The following SLC8A2 variants were observed in gnomAD, a reference collection of about 807,000 sequenced individuals.
SLC8A2 encodes the protein sodium/calcium exchanger 2.
A neutral mutation model predicts 70.2 loss-of-function variants in SLC8A2; 14 were observed. The observed-to-expected ratio is 0.20, with a 90% CI of 0.13 to 0.31. SLC8A2 has a LOEUF of 0.31. Among genes scored for constraint, SLC8A2 ranks in the 10% least tolerant of loss-of-function variants. The probability of loss-of-function intolerance (pLI) is 1.00; values close to 1 mark genes in which losing one functional copy is unlikely to be tolerated. For synonymous variants in SLC8A2, 575 were observed against 594.3 expected, an observed-to-expected ratio of 0.97 and a Z score of 0.47; for missense variants, 779 against 1,320.1, an observed-to-expected ratio of 0.59 and a Z score of 6.35.
chr19:47,447,820 G>T lies in SLC8A2; in HGVS notation c.1752C>A (p.Asp584Glu). The change falls in exon 4 of 10, where the codon GAC becomes GAA. Residue 584 changes from aspartate (D) to glutamate (E), a missense_variant. By Grantham distance (45) the Asp-to-Glu change is conservative. Around this residue, in one of 6 missense-constraint regions of SLC8A2, gnomAD observed 247 missense variants for 362.8 expected, o/e 0.68. Transcript: ENST00000236877. The surrounding 1 kb of genome is among the most constrained non-coding windows in gnomAD (Gnocchi z 5.1). ...TCGGGCGTGCTCACATGGTCTCGTC[G>T]TCGCCAAACTCCAGCTCTCCGCACG... ...EDACGELEFG[D>E]DETMKTLQVK... 1 of 1,590,076 alleles carries T rather than the reference G, an allele frequency of 6.3e-7. No individual in the cohort carries two copies. Among genetic ancestry groups the T allele is most frequent in the Non-Finnish European group, 8.5e-7 (1 of 1,175,500 alleles).
At chr19:47,456,891 C>T (rs1353782368) in intron 3 of SLC8A2, 39 bp downstream of exon 3, 5 of 1,533,656 alleles carry the variant, frequency 3.3e-6, no homozygotes, top group South Asian at 2.5e-5. Context: ...CCACGGCCTG[C>T]GCCAGCCCCC....
intron 4 of SLC8A2, among the ~76,000 whole-genome samples, chr19:47,443,120 C>T (rs145226230): frequency 1.0e-3 from 158 of 152,324 alleles, no homozygotes; most frequent in Middle Eastern, 3.4e-3. Flanking sequence ...TTATCTCCAA[C>T]ACCCAGAACA....
At chr19:47,446,292 T>C in intron 4 of SLC8A2, among the ~76,000 whole-genome samples, 1 of 27,844 alleles carries the variant, frequency 3.6e-5, no homozygotes, top group South Asian at 1.1e-3. Context: ...GGCAGGGGGG[T>C]GGGGGAATGT....
chr19:47,470,971 G>A (rs994005937), intron 1 of SLC8A2, among the ~76,000 whole-genome samples: 1 of 151,952 alleles, frequency 6.6e-6, no homozygotes, highest in Non-Finnish European at 1.5e-5. Flanking sequence ...GGGTGGGGGG[G>A]TCTAATTCCT....
At position 47,432,666 on chromosome 19, in the gene SLC8A2, T is replaced by G. The variant is rs1599843472; in HGVS notation, c.2111-221A>C. 2.1e-5 allele frequency: 10 copies of G among 478,898 alleles called. No homozygotes were observed. The East Asian group carries it at 3.3e-4, about 16-fold the overall frequency. 29.7% of individuals were successfully genotyped at this position (478,898 alleles called of 1,614,324 possible). A position where few individuals can be genotyped will look rare whatever the true frequency, so the allele number is the denominator to read the frequency against. On this transcript the variant is annotated intron_variant, in intron 8 of 9. Coordinates refer to ENST00000236877, the MANE Select transcript of SLC8A2 (RefSeq NM_015063.3). This position sits in a 1 kb window ranked among gnomAD's most constrained non-coding sequence, Gnocchi z 6.2. ...TTGGGCCCAGGTGAAAAATATTTAC[T>G]TTCCCAGAATCCTTTGGATCTAAAT...
At chr19:47,439,023 A>G (rs1237702141) in intron 6 of SLC8A2, among the ~76,000 whole-genome samples, 2 of 152,162 alleles carry the variant, frequency 1.3e-5, no homozygotes, top group Non-Finnish European at 2.9e-5. Context: ...GGCCTGAGTT[A>G]TGGACACTAG....
rs751078808 is a variant in SLC8A2 at position 47,456,936 on chromosome 19, T to G, written c.1334A>C (p.Glu445Ala). The stretch of plus-strand genomic sequence containing the variant: ...CCCACCCCGGGGGACCCACCTGTAC[T>G]CGTAGTCGGAGCCCGCCTTGGCAGA... ...DGSAKAGSDY[E>A]YSEGTLVFKP... is the part of the protein sequence containing the mutation. Residue 445 changes from glutamate to alanine, a missense_variant, in exon 3 of 10, where the codon GAG becomes GCG. Physicochemically the swap from Glu to Ala is moderately radical, Grantham distance 107. Around this residue, in one of 6 missense-constraint regions of SLC8A2, gnomAD observed 18 missense variants for 61.3 expected, o/e 0.29. Coordinates refer to ENST00000236877, the MANE Select transcript of SLC8A2 (RefSeq NM_015063.3). The G allele has an allele frequency of 1.9e-6, 3 of 1,604,918 alleles. No individual in the cohort carries two copies. The Admixed American group carries it at 5.1e-5, about 27-fold the overall frequency.
At chr19:47,438,977 C>T (rs1967065322) in intron 6 of SLC8A2, among the ~76,000 whole-genome samples, 1 of 152,182 alleles carries the variant, frequency 6.6e-6, no homozygotes, top group South Asian at 2.1e-4. Flanking sequence ...AGCTGAACTA[C>T]ATTTCCCAGC....
At chr19:47,450,764 C>G (rs1317202918) in intron 3 of SLC8A2, among the ~76,000 whole-genome samples, 1 of 152,022 alleles carries the variant, frequency 6.6e-6, no homozygotes, top group Admixed American at 6.6e-5. Context: ...CTTGGGCGGT[C>G]AGGATTCTGC....
rs1211058685 is a variant in SLC8A2 at position 47,430,131 on chromosome 19, G to A, written c.2724C>T (p.Leu908=). The change falls in exon 10 of 10, where the codon CTC becomes CTT. Residue 908 remains leucine, a synonymous_variant. Coordinates refer to ENST00000236877, the MANE Select transcript of SLC8A2 (RefSeq NM_015063.3). This position sits in a 1 kb window ranked among gnomAD's most constrained non-coding sequence, Gnocchi z 5.9. The stretch of plus-strand genomic sequence containing the variant: ...GGCAGTACGCCTCCAGGCTGGCGAA[G>A]AGGATGTACAGGAGCCAGAGGCCCA... The part of the protein sequence containing the change: ...LFLGLWLLYI[L]FASLEAYCHI... 1 of 1,593,182 alleles carries A rather than the reference G, an allele frequency of 6.3e-7. No individual in the cohort carries two copies. The highest frequency in any genetic ancestry group is 8.5e-7 in the Non-Finnish European group (1 of 1,169,824).
At position 47,439,617 on chromosome 19, in the gene SLC8A2, T is replaced by TCTTCCTTCCTTC. The variant is rs149487413; in HGVS notation, c.1885+1540_1885+1551dup. Among the ~76,000 whole-genome samples the TCTTCCTTCCTTC allele has an allele frequency of 8.4e-4, 122 of 145,924 alleles. 1 individual carries two copies. Among genetic ancestry groups the TCTTCCTTCCTTC allele is most frequent in the African/African-American group, 3.0e-3 (114 of 38,100 alleles). ...CTCTCTTCTCCCTCCTTCCTTCCTTTCTTCCTTCCTTCCTTCCTTCCTTCC... is the reference window on the plus strand; with the variant it reads ...CTCTCTTCTCCCTCCTTCCTTCCTTTCTTCCTTCCTTCCTTCCTTCCTTCCTTCCTTCCTTCC... On this transcript the variant is annotated intron_variant, in intron 6 of 9. Coordinates refer to ENST00000236877, the MANE Select transcript of SLC8A2 (RefSeq NM_015063.3).
chr19:47,441,467 A>G, intron 4 of SLC8A2, 27 bp from the exon 5 acceptor site: 3 of 1,429,142 alleles, frequency 2.1e-6, no homozygotes, highest in Non-Finnish European at 2.0e-6. Context: ...GGGGAGGCAG[A>G]ACACTCAGTG....
intron 3 of SLC8A2, among the ~76,000 whole-genome samples, chr19:47,451,393 C>T (rs914793160): frequency 2.6e-5 from 4 of 152,146 alleles, no homozygotes; most frequent in African/African-American, 4.8e-5. Flanking sequence ...ACTGCAGCCT[C>T]GACTTCCTGG....
In SLC8A2 at chr19:47,465,217, CAATGTCAGA is replaced by C. The variant is rs1967442869; in HGVS notation, c.675+503_675+511del. Among the ~76,000 whole-genome samples, 1 of 152,138 alleles carries C rather than the reference CAATGTCAGA, an allele frequency of 6.6e-6. No homozygotes were observed. The highest frequency in any genetic ancestry group is 2.4e-5 in the African/African-American group (1 of 41,422). ...GCACTAAGTTACTCAAGCCAATTAG[CAATGTCAGA>C]AAACACTAGGCTGGATTATATGCAA... On this transcript the variant is annotated intron_variant, in intron 2 of 9. Transcript: ENST00000236877. This position sits in a 1 kb window ranked among gnomAD's most constrained non-coding sequence, Gnocchi z 5.5.
Position 47,468,089 on chromosome 19 carries a change from C to G in SLC8A2, c.-16-1670G>C, listed in dbSNP as rs1031582625. Among the ~76,000 whole-genome samples the G allele has an allele frequency of 2.6e-5, 4 of 151,840 alleles. No homozygotes were observed. The highest frequency in any genetic ancestry group is 7.3e-5 in the African/African-American group (3 of 41,328). On this transcript the variant is annotated intron_variant, in intron 1 of 9. Coordinates refer to ENST00000236877, the MANE Select transcript of SLC8A2 (RefSeq NM_015063.3). The surrounding 1 kb of genome is among the most constrained non-coding windows in gnomAD (Gnocchi z 5.1). Reference sequence around the variant, plus strand: ...GTTCAGAACCCCCGCCAGCTCCCATCTCACTCACAGCACCAGCGTCCTCTC... The same window carrying G: ...GTTCAGAACCCCCGCCAGCTCCCATGTCACTCACAGCACCAGCGTCCTCTC...
In SLC8A2 at chr19:47,447,861, C is replaced by G. The variant is rs753042183; in HGVS notation, c.1711G>C (p.Val571Leu). The G allele has an allele frequency of 6.3e-7, 1 of 1,592,796 alleles. No individual in the cohort carries two copies. The highest frequency in any genetic ancestry group is 8.5e-7 in the Non-Finnish European group (1 of 1,174,522). Residue 571 changes from valine to leucine, a missense_variant, in exon 4 of 10, where the codon GTG becomes CTG. Around this residue, in one of 6 missense-constraint regions of SLC8A2, gnomAD observed 247 missense variants for 362.8 expected, o/e 0.68. Coordinates refer to ENST00000236877, the MANE Select transcript of SLC8A2 (RefSeq NM_015063.3). The surrounding 1 kb of genome is among the most constrained non-coding windows in gnomAD (Gnocchi z 5.1). ...TCTCCGCACGCGTCCTCGTAGTGCA[C>G]GCCGCCGCCGCGCGCCGTGCCGTCC... ...TVDGTARGGG[V>L]HYEDACGELE... is the part of the protein sequence containing the mutation.
rs1568443178 is a variant in SLC8A2 at position 47,447,700 on chromosome 19, AC to A, written c.1763+108del. The A allele has an allele frequency of 8.4e-7, 1 of 1,183,566 alleles. No individual in the cohort carries two copies. The highest frequency in any genetic ancestry group is 1.8e-5 in the African/African-American group (1 of 56,106). The allele number at this position is 1,183,566 out of a possible 1,614,324, so 73.3% of individuals were successfully genotyped here. A position where few individuals can be genotyped will look rare whatever the true frequency, so the allele number is the denominator to read the frequency against. On this transcript the variant is annotated intron_variant, in intron 4 of 9. Transcript: ENST00000236877. The surrounding 1 kb of genome is among the most constrained non-coding windows in gnomAD (Gnocchi z 5.1). ...CCTCCCCTCCCGAGGCCCAACCAAG[AC>A]CCGCCCACTATGTGGGCATGGCTCA...
chr19:47,433,653 C>CTT (rs111488062), intron 8 of SLC8A2, among the ~76,000 whole-genome samples: 13 of 144,488 alleles, frequency 9.0e-5, no homozygotes, highest in Non-Finnish European at 1.5e-4. Flanking sequence ...CCTGCAGTGA[C>CTT]TTTTTTTTTT....
At chr19:47,431,237 C>T (rs187445680) in intron 9 of SLC8A2, among the ~76,000 whole-genome samples, 192 of 152,130 alleles carry the variant, frequency 1.3e-3, no homozygotes, top group African/African-American at 4.4e-3. Flanking sequence ...CCATGTTGCC[C>T]AGGCTGGTCT....
Sources: allele counts gnomAD v4.1 joint callset (sites outside exome capture counted in the v4.1 genomes callset), GRCh38; gene constraint gnomAD v4.1.1; regional missense constraint gnomAD v4.1.1; non-coding constraint Gnocchi (gnomAD v3.1); transcripts MANE v1.5; gene names NCBI Gene and HGNC (gene_info 2026-07-23, HGNC 2026-07-21).